ERP44: variants seen among roughly 807,000 people sequenced by gnomAD.
ERP44 encodes endoplasmic reticulum protein 44.
In ERP44, 25 loss-of-function variants were observed where a neutral mutation model predicts 53.4. The ratio of observed to expected loss-of-function variants is 0.47; its 90% confidence interval spans 0.34 to 0.65. The LOEUF is 0.65. Ranked by LOEUF, ERP44 falls within the 30% of genes least tolerant of loss-of-function variation. The pLI, the probability that ERP44 is intolerant of heterozygous loss-of-function variation, is 0.01. For missense variants in ERP44, 338 were observed against 493.2 expected (o/e 0.69, Z 2.98); for synonymous variants, 145 against 161.2 (o/e 0.90, Z 0.76).
At chr9:99,998,956 A>G (rs1830345412) in intron 10 of ERP44, 2 of 1,543,252 alleles carry the variant, frequency 1.3e-6, no homozygotes, top group Non-Finnish European at 8.9e-7. Flanking sequence ...GTTTCTAAAA[A>G]GTTTTTATAT....
intron 4 of ERP44, among the ~76,000 whole-genome samples, chr9:100,051,116 C>A (rs968620030): frequency 6.6e-6 from 1 of 152,210 alleles, no homozygotes; most frequent in Admixed American, 6.5e-5. Flanking sequence ...GCTCCCTTCA[C>A]CCTATCTAGT....
rs1826700913 is a variant in ERP44 at position 100,098,824 on chromosome 9, A to C, written c.17T>G (p.Phe6Cys). The change falls in exon 1 of 12, where the codon TTC becomes TGC. Residue 6 changes from phenylalanine (F) to cysteine (C), a missense_variant. By Grantham distance (205) the Phe-to-Cys change is radical. This residue lies in a region of ERP44 where 224 missense variants were observed against 301.4 expected (regional missense o/e 0.74). Coordinates refer to ENST00000262455, the MANE Select transcript of ERP44 (RefSeq NM_015051.3). ...GCATCTGAGGTCGGGTAAGGATAGG[A>C]AGACGGCAGGATGCATGGTAACGCT... MHPAV[F>C]LSLPDLRCSL... is the part of the protein sequence containing the mutation. 6.2e-7 allele frequency: 1 copy of C among 1,613,544 alleles called. No individual in the cohort carries two copies. Among genetic ancestry groups the C allele is most frequent in the Non-Finnish European group, 8.5e-7 (1 of 1,179,780 alleles).
chr9:100,068,486 C>T, intron 1 of ERP44, among the ~76,000 whole-genome samples: 1 of 138,798 alleles, frequency 7.2e-6, no homozygotes, highest in African/African-American at 2.7e-5. Context: ...AGGAGCCCCT[C>T]TGCCCGGCCA....
intron 4 of ERP44, among the ~76,000 whole-genome samples, chr9:100,034,446 C>T (rs916571870): frequency 6.6e-6 from 1 of 152,124 alleles, no homozygotes; most frequent in Non-Finnish European, 1.5e-5. Context: ...CTTTGTTTAG[C>T]ATATAATAAA....
intron 1 of ERP44, among the ~76,000 whole-genome samples, chr9:100,089,104 C>T (rs1826519551): frequency 6.6e-6 from 1 of 152,066 alleles, no homozygotes; most frequent in South Asian, 2.1e-4. Flanking sequence ...AGTCTCATAC[C>T]ATCTTGCTTC....
intron 4 of ERP44, among the ~76,000 whole-genome samples, chr9:100,043,258 CAAAAAAAAA>C (rs56066117): frequency 8.1e-3 from 163 of 20,248 alleles, no homozygotes; most frequent in African/African-American, 0.034. Flanking sequence ...GACTCTGTCT[CAAAAAAAAA>C]AAAAAAAAAA....
chr9:100,009,373 A>G (rs1830449921), intron 8 of ERP44, among the ~76,000 whole-genome samples: 1 of 152,126 alleles, frequency 6.6e-6, no homozygotes, highest in Non-Finnish European at 1.5e-5. Flanking sequence ...CGGCCTCCCA[A>G]AGTGCTGGGA....
At chr9:100,068,377 A>G (rs1444424585) in intron 1 of ERP44, among the ~76,000 whole-genome samples, 3 of 93,268 alleles carry the variant, frequency 3.2e-5, no homozygotes, top group Admixed American at 1.1e-4. Context: ...TCCGGGAGGG[A>G]GGTGGGGGGG....
chr9:100,055,361 T>C (rs1295695450), intron 3 of ERP44, among the ~76,000 whole-genome samples: 4 of 152,134 alleles, frequency 2.6e-5, no homozygotes, highest in African/African-American at 4.8e-5. Flanking sequence ...CCCTGATGTG[T>C]GTTTTTTTTG....
At chr9:99,982,947 T>G (rs967666926) in intron 11 of ERP44, among the ~76,000 whole-genome samples, 2 of 152,156 alleles carry the variant, frequency 1.3e-5, no homozygotes, top group Non-Finnish European at 1.5e-5. Flanking sequence ...AACTGTGGGC[T>G]TGTTTTACAT....
At chr9:100,087,275 C>T (rs1826495843) in intron 1 of ERP44, among the ~76,000 whole-genome samples, 1 of 152,092 alleles carries the variant, frequency 6.6e-6, no homozygotes, top group Non-Finnish European at 1.5e-5. Flanking sequence ...ATAACTTATT[C>T]ACTTAACAGT....
intron 1 of ERP44, among the ~76,000 whole-genome samples, chr9:100,080,808 G>A (rs1326956861): frequency 1.3e-5 from 2 of 152,108 alleles, no homozygotes; most frequent in East Asian, 1.9e-4. Flanking sequence ...ATCCTCCAAT[G>A]AGCTGCCTTG....
At chr9:100,053,622 C>A (rs563116151) in intron 3 of ERP44, among the ~76,000 whole-genome samples, 2 of 152,238 alleles carry the variant, frequency 1.3e-5, no homozygotes, top group South Asian at 4.1e-4. Context: ...AACTGTAACA[C>A]AATAGCAGGT....
At chr9:99,997,588 T>C (rs1253268781) in intron 10 of ERP44, among the ~76,000 whole-genome samples, 1 of 152,202 alleles carries the variant, frequency 6.6e-6, no homozygotes, top group Non-Finnish European at 1.5e-5. Flanking sequence ...TTACCAAATT[T>C]ATCCCTTCCC....
At chr9:100,003,812 C>T (rs1830402128) in intron 10 of ERP44, among the ~76,000 whole-genome samples, 4 of 151,928 alleles carry the variant, frequency 2.6e-5, no homozygotes. Context: ...GGGAGTGGGC[C>T]TGGGTCAAGA....
chr9:100,010,783 C>G (rs901114841), intron 8 of ERP44, among the ~76,000 whole-genome samples: 2 of 151,754 alleles, frequency 1.3e-5, no homozygotes, highest in Non-Finnish European at 2.9e-5. Flanking sequence ...CGCCTGTAAT[C>G]CCAGCTACTC....
chr9:100,009,495 T>A (rs1830451661), intron 8 of ERP44, among the ~76,000 whole-genome samples: 1 of 152,144 alleles, frequency 6.6e-6, no homozygotes, highest in African/African-American at 2.4e-5. Flanking sequence ...CCCCCTGGCA[T>A]CACATTCATC....
intron 4 of ERP44, among the ~76,000 whole-genome samples, chr9:100,034,129 A>G (rs906368197): frequency 2.6e-5 from 4 of 152,172 alleles, no homozygotes; most frequent in African/African-American, 7.2e-5. Flanking sequence ...ATTCTAAGTC[A>G]TAGGATGAGA....
At chr9:100,068,032 G>T (rs1826243523) in intron 1 of ERP44, among the ~76,000 whole-genome samples, 1 of 150,742 alleles carries the variant, frequency 6.6e-6, no homozygotes, top group Non-Finnish European at 1.5e-5. Context: ...GGGAGGTGGG[G>T]GGGTCAGTCC....
Sources: allele counts gnomAD v4.1 joint callset (sites outside exome capture counted in the v4.1 genomes callset), GRCh38; gene constraint gnomAD v4.1.1; regional missense constraint gnomAD v4.1.1; transcripts MANE v1.5; gene names NCBI Gene and HGNC (gene_info 2026-07-23, HGNC 2026-07-21).